MEIOC: variants seen among roughly 807,000 people sequenced by gnomAD.
MEIOC encodes the protein meiosis specific with coiled-coil domain.
Under a neutral mutation model 85.3 loss-of-function variants are expected in MEIOC, and 9 were observed. The observed-to-expected ratio is 0.11, with a 90% confidence interval of 0.06 to 0.18. The LOEUF is 0.18. MEIOC is among the 10% of genes least tolerant of loss of function. The probability of loss-of-function intolerance (pLI) is 1.00; values close to 1 mark genes in which losing one functional copy is unlikely to be tolerated. For missense variants in MEIOC, 898 were observed against 1,129.4 expected (o/e 0.80, Z 2.94); for synonymous variants, 365 against 393.7 (o/e 0.93, Z 0.86).
In MEIOC at chr17:44,674,348, A is replaced by C; in HGVS notation, c.*152A>C. ...AATGAAGTCTAACTTCTATTTAAAA[A>C]TCTTCTATTTGAAGTGAATCCGATA... On this transcript the variant is annotated 3_prime_UTR_variant, in exon 8 of 8. Coordinates refer to ENST00000409122, the MANE Select transcript of MEIOC (RefSeq NM_001145080.3). 2 of 1,411,630 alleles carry C rather than the reference A, an allele frequency of 1.4e-6. No individual in the cohort carries two copies. Among genetic ancestry groups the C allele is most frequent in the Non-Finnish European group, 1.8e-6 (2 of 1,085,434 alleles). 87.4% of individuals were successfully genotyped at this position (1,411,630 alleles called of 1,614,324 possible). A position where few individuals can be genotyped will look rare whatever the true frequency, so the allele number is the denominator to read the frequency against.
At position 44,674,171 on chromosome 17, in the gene MEIOC, A is replaced by G. The variant is rs1972045620; in HGVS notation, c.2834A>G (p.Gln945Arg). ...ESINSSNPMNQRGETNKH is the reference protein window; with the variant it reads ...ESINSSNPMNRRGETNKH ...ATAAATAGTAGCAATCCAATGAACCAGAGAGGTGAAACAAACAAACATTAA... is the reference window on the plus strand; with the variant it reads ...ATAAATAGTAGCAATCCAATGAACCGGAGAGGTGAAACAAACAAACATTAA... The change falls in exon 8 of 8, where the codon CAG becomes CGG. Residue 945 changes from glutamine to arginine, a missense_variant. Gln to Arg is a conservative substitution (Grantham distance 43). This residue lies in a region of MEIOC where 164 missense variants were observed against 269.2 expected (regional missense o/e 0.61). Coordinates refer to ENST00000409122, the MANE Select transcript of MEIOC (RefSeq NM_001145080.3). 2 of 1,551,524 alleles carry G rather than the reference A, an allele frequency of 1.3e-6. No homozygotes were observed. Among genetic ancestry groups the G allele is most frequent in the Non-Finnish European group, 8.7e-7 (1 of 1,146,860 alleles).
Position 44,675,524 on chromosome 17 carries a change from G to A in MEIOC, c.*1328G>A, listed in dbSNP as rs1343396943. On this transcript the variant is annotated 3_prime_UTR_variant, in exon 8 of 8. Transcript: ENST00000409122. The stretch of plus-strand genomic sequence containing the variant: ...GAAATTCTGGTATTAAAAAAAAAAA[G>A]AGTGTAATCATACCACATAAATTTT... 4.1e-5 allele frequency: 39 copies of A among 959,722 alleles called. No individual in the cohort carries two copies. The highest frequency in any genetic ancestry group is 4.6e-5 in the Non-Finnish European group (37 of 807,000). 59.5% of individuals were successfully genotyped at this position (959,722 alleles called of 1,614,324 possible). A position where few individuals can be genotyped will look rare whatever the true frequency, so the allele number is the denominator to read the frequency against.
intron 6 of MEIOC, 33 bp from the exon 7 acceptor site, chr17:44,673,333 A>G (rs1468868694): frequency 2.7e-6 from 4 of 1,492,168 alleles, no homozygotes; most frequent in Non-Finnish European, 3.6e-6. Flanking sequence ...ATGGCAGGAC[A>G]TGTCTTATCA....
Position 44,666,873 on chromosome 17 carries a change from A to T in MEIOC, c.962A>T (p.Glu321Val). ...MFLSQFNRYN[E>V]NVDYCRYPEY... Reference sequence around the variant, plus strand: ...CTTTCTCAATTTAATAGATACAATGAAAATGTAGATTATTGTAGATACCCA... The same window carrying T: ...CTTTCTCAATTTAATAGATACAATGTAAATGTAGATTATTGTAGATACCCA... The change falls in exon 5 of 8, where the codon GAA becomes GTA. Residue 321 changes from glutamate to valine, a missense_variant. This residue lies in a region of MEIOC where 734 missense variants were observed against 860.1 expected (regional missense o/e 0.85). Coordinates refer to ENST00000409122, the MANE Select transcript of MEIOC (RefSeq NM_001145080.3). 6.2e-7 allele frequency: 1 copy of T among 1,610,128 alleles called. No homozygotes were observed. The highest frequency in any genetic ancestry group is 8.5e-7 in the Non-Finnish European group (1 of 1,177,794).
intron 3 of MEIOC, among the ~76,000 whole-genome samples, chr17:44,663,314 C>T (rs1330624768): frequency 6.8e-6 from 1 of 148,020 alleles, no homozygotes; most frequent in African/African-American, 2.5e-5. Flanking sequence ...ATGACGATAA[C>T]TAGGATATTA....
chr17:44,668,521 T>C (rs148470298), intron 5 of MEIOC, among the ~76,000 whole-genome samples: 1 of 152,196 alleles, frequency 6.6e-6, no homozygotes, highest in African/African-American at 2.4e-5. Flanking sequence ...TTGTAGACAT[T>C]AGGTTTCACT....
At chr17:44,671,709 A>G (rs1207666371) in intron 6 of MEIOC, among the ~76,000 whole-genome samples, 1 of 152,076 alleles carries the variant, frequency 6.6e-6, no homozygotes, top group African/African-American at 2.4e-5. Flanking sequence ...GATCAAGACC[A>G]TCCTGGCTAA....
At chr17:44,671,465 A>C (rs552048312) in intron 6 of MEIOC, among the ~76,000 whole-genome samples, 1 of 150,752 alleles carries the variant, frequency 6.6e-6, no homozygotes, top group Non-Finnish European at 1.5e-5. Flanking sequence ...TGGGAGGATC[A>C]CTTGAGCCTG....
chr17:44,674,988 T>C lies in MEIOC; in HGVS notation c.*792T>C. 1 of 983,612 alleles carries C rather than the reference T, an allele frequency of 1.0e-6. No individual in the cohort carries two copies. Among genetic ancestry groups the C allele is most frequent in the Non-Finnish European group, 1.2e-6 (1 of 828,248 alleles). 60.9% of individuals were successfully genotyped at this position (983,612 alleles called of 1,614,324 possible). On this transcript the variant is annotated 3_prime_UTR_variant, in exon 8 of 8. Transcript: ENST00000409122. ...TTCCCTTTATCTGGATCTTTTAGAC[T>C]TGATGCACAGTAACTGAAATAATGA...
chr17:44,657,547 GTTTTGTTTTTGTT>G (rs954797424), intron 2 of MEIOC, among the ~76,000 whole-genome samples: 1 of 150,044 alleles, frequency 6.7e-6, no homozygotes, highest in African/African-American at 2.5e-5. Context: ...TTTTTTGTTT[GTTTTGTTTTTGTT>G]TTTTGTTTTT....
rs115248463 is a variant in MEIOC, at chr17:44,675,653, T to C, written c.*1457T>C. 1,289 of 985,118 alleles carry C rather than the reference T, an allele frequency of 1.3e-3. 14 individuals carry two copies. The African/African-American group carries it at 0.021, about 16-fold the overall frequency. The allele number at this position is 985,118 out of a possible 1,614,324, so 61.0% of individuals were successfully genotyped here. ...CTTAGAACTACCCAAATGAATTACA[T>C]TGAGGGTAGTCAAATAAAATAGATC... On this transcript the variant is annotated 3_prime_UTR_variant, in exon 8 of 8. Transcript: ENST00000409122.
Position 44,662,534 on chromosome 17 carries a change from G to A in MEIOC, c.359+63G>A. The stretch of plus-strand genomic sequence containing the variant: ...TTAAATTTAATTACATAGGAACTGA[G>A]GTTATTTGCTCTCTGTTCCCTACAT... On this transcript the variant is annotated intron_variant, in intron 3 of 7. Transcript: ENST00000409122. 3 of 1,160,066 alleles carry A rather than the reference G, an allele frequency of 2.6e-6. No individual in the cohort carries two copies. In the South Asian group the frequency reaches 4.8e-5, roughly 19 times the overall value. 71.9% of individuals were successfully genotyped at this position (1,160,066 alleles called of 1,614,324 possible). A position where few individuals can be genotyped will look rare whatever the true frequency, so the allele number is the denominator to read the frequency against.
At position 44,666,920 on chromosome 17, in the gene MEIOC, G is replaced by A. The variant is rs1971913055; in HGVS notation, c.1009G>A (p.Ala337Thr). 1 of 1,609,220 alleles carries A rather than the reference G, an allele frequency of 6.2e-7. No individual in the cohort carries two copies. The highest frequency in any genetic ancestry group is 8.5e-7 in the Non-Finnish European group (1 of 1,177,314). Residue 337 changes from alanine to threonine, a missense_variant, in exon 5 of 8, where the codon GCT becomes ACT. Coordinates refer to ENST00000409122, the MANE Select transcript of MEIOC (RefSeq NM_001145080.3). ...RYPEYVHPNK[A>T]KLNKCSNFSV... ...CCCAGAGTATGTTCATCCTAATAAG[G>A]CTAAGCTTAATAAATGTTCAAATTT...
In MEIOC at chr17:44,657,136, G is replaced by C. The variant is rs1253281268; in HGVS notation, c.79G>C (p.Ala27Pro). Residue 27 changes from alanine (A) to proline (P), a missense_variant, in exon 2 of 8, where the codon GCG becomes CCG. Physicochemically the swap from Ala to Pro is conservative, Grantham distance 27 (BLOSUM62 -1). Transcript: ENST00000409122. ...TTCCCGTGTGCTGCAGCCCAAAGTCGCGTTCCCCGGAGGTGCGAATCGCTG... is the reference window on the plus strand; with the variant it reads ...TTCCCGTGTGCTGCAGCCCAAAGTCCCGTTCCCCGGAGGTGCGAATCGCTG... ...LREEGLEPKV[A>P]FPGGANRCWN... 5 of 1,550,022 alleles carry C rather than the reference G, an allele frequency of 3.2e-6. No individual in the cohort carries two copies. The East Asian group carries it at 1.2e-4, about 38-fold the overall frequency.
Position 44,667,830 on chromosome 17 carries a change from C to A in MEIOC, c.1919C>A (p.Ser640Ter). Reference protein sequence around the residue: ...SQNTYQDLLESQGHSNSHRTR... With the variant: ...SQNTYQDLLE ...AATACATACCAAGATCTACTGGAGT[C>A]ACAGGGTCATTCTAATAGCCACAGA... Residue 640 changes from serine (S) to a stop codon, truncating the protein, a stop_gained, in exon 5 of 8, where the codon TCA becomes TAA. Transcript: ENST00000409122. LOFTEE classifies it high-confidence loss of function. 6.2e-7 allele frequency: 1 copy of A among 1,613,914 alleles called. No homozygotes were observed. The highest frequency in any genetic ancestry group is 1.1e-5 in the South Asian group (1 of 91,062).
rs769364259 is a variant in MEIOC, at chr17:44,665,442, A to C, written c.418A>C (p.Asn140His). The C allele has an allele frequency of 5.8e-6, 9 of 1,546,516 alleles. No homozygotes were observed. Among genetic ancestry groups the C allele is most frequent in the African/African-American group, 1.4e-5 (1 of 72,992 alleles). ...SETDLYGLVS[N>H]ILEEQDKSQP... ...AACAGACTTATATGGACTTGTGTCT[A>C]ACATTTTGGAAGAACAAGATAAGTC... Residue 140 changes from asparagine to histidine, a missense_variant, in exon 4 of 8, where the codon AAC (asparagine) becomes CAC (histidine). Physicochemically the swap from Asn to His is moderately conservative, Grantham distance 68. Coordinates refer to ENST00000409122, the MANE Select transcript of MEIOC (RefSeq NM_001145080.3).
intron 5 of MEIOC, among the ~76,000 whole-genome samples, chr17:44,668,532 A>G (rs556416315): frequency 9.9e-5 from 15 of 152,092 alleles, no homozygotes; most frequent in East Asian, 1.9e-4. Flanking sequence ...AGGTTTCACT[A>G]TGTTCCCCAC....
At chr17:44,663,795 T>C (rs898411849) in intron 3 of MEIOC, among the ~76,000 whole-genome samples, 6 of 152,112 alleles carry the variant, frequency 3.9e-5, no homozygotes, top group Non-Finnish European at 8.8e-5. Flanking sequence ...AGATAACACA[T>C]GTAGTAGAAA....
intron 6 of MEIOC, chr17:44,669,816 C>CG (rs2144672733): frequency 7.0e-6 from 2 of 284,398 alleles, no homozygotes; most frequent in East Asian, 1.6e-4. Context: ...GTGAAGATCA[C>CG]GCCACTGCAC....
Sources: allele counts gnomAD v4.1 joint callset (sites outside exome capture counted in the v4.1 genomes callset), GRCh38; gene constraint gnomAD v4.1.1; regional missense constraint gnomAD v4.1.1; transcripts MANE v1.5; gene names NCBI Gene and HGNC (gene_info 2026-07-23, HGNC 2026-07-21).